ZNF594: variants seen among roughly 807,000 people sequenced by gnomAD.
The protein encoded by ZNF594 is zinc finger protein 594.
For missense variants in ZNF594, 1,037 were observed against 964.6 expected (o/e 1.08, Z -0.99); for synonymous variants, 336 against 309.4 (o/e 1.09, Z -0.90).
chr17:5,186,627 T>A (rs531122374), intron 1 of ZNF594, among the ~76,000 whole-genome samples: 237 of 152,326 alleles, frequency 1.6e-3, no homozygotes, highest in African/African-American at 5.3e-3. Flanking sequence ...TTCTATCACA[T>A]TCTCAGGCTG....
In ZNF594 at chr17:5,184,166, C is replaced by G. The variant is rs777947733; in HGVS notation, c.91G>C (p.Glu31Gln). The change falls in exon 2 of 2, where the codon GAA becomes CAA. Residue 31 changes from glutamate (E) to glutamine (Q), a missense_variant. By Grantham distance (29) the Glu-to-Gln change is conservative (BLOSUM62 2). Coordinates refer to ENST00000575779, the MANE Select transcript of ZNF594 (RefSeq NM_032530.2). ...SEKLQRQITQ[E>Q]CELVETSNSE... Reference sequence around the variant, plus strand: ...TTACTGGTTTCAACTAACTCACATTCCTGGGTGATTTGTCTTTGGAGTTTT... The same window carrying G: ...TTACTGGTTTCAACTAACTCACATTGCTGGGTGATTTGTCTTTGGAGTTTT... 3.7e-5 allele frequency: 60 copies of G among 1,614,178 alleles called. No homozygotes were observed. The highest frequency in any genetic ancestry group is 5.0e-5 in the Non-Finnish European group (59 of 1,180,038).
In ZNF594 at chr17:5,182,426, G is replaced by A; in HGVS notation, c.1831C>T (p.Leu611Phe). ...CGKTFNQSSDLLRHHRIHSGE... is the reference protein window; with the variant it reads ...CGKTFNQSSDFLRHHRIHSGE... Reference sequence around the variant, plus strand: ...CTGTGAATTCTATGATGTCTCAGAAGGTCTGAGCTCTGATTGAAAGTTTTC... The same window carrying A: ...CTGTGAATTCTATGATGTCTCAGAAAGTCTGAGCTCTGATTGAAAGTTTTC... The change falls in exon 2 of 2, where the codon CTT becomes TTT. Residue 611 changes from leucine to phenylalanine, a missense_variant. Physicochemically the swap from Leu to Phe is conservative, Grantham distance 22. Transcript: ENST00000575779. 6.2e-7 allele frequency: 1 copy of A among 1,613,608 alleles called. No homozygotes were observed. Among genetic ancestry groups the A allele is most frequent in the South Asian group, 1.1e-5 (1 of 91,064 alleles).
chr17:5,183,834 G>A lies in ZNF594; in HGVS notation c.423C>T (p.Asn141=), dbSNP rs972611445. The A allele has an allele frequency of 6.2e-7, 1 of 1,613,972 alleles. No individual in the cohort carries two copies. The highest frequency in any genetic ancestry group is 8.5e-7 in the Non-Finnish European group (1 of 1,179,976). ...TATGAATTCTCTGATGTATGATCAG[G>A]TTTGAACTCCTGTTGAAGGTTTTTT... ...ECEKTFNRSS[N]LIIHQRIHTG... The change falls in exon 2 of 2, where the codon AAC becomes AAT. Residue 141 remains asparagine (N), a synonymous_variant. Coordinates refer to ENST00000575779, the MANE Select transcript of ZNF594 (RefSeq NM_032530.2).
At chr17:5,189,123 A>G (rs1010754841) in intron 1 of ZNF594, among the ~76,000 whole-genome samples, 3 of 151,510 alleles carry the variant, frequency 2.0e-5, no homozygotes, top group Non-Finnish European at 4.4e-5. Context: ...GAAAGGAAAA[A>G]ATAATAGCAA....
intron 1 of ZNF594, among the ~76,000 whole-genome samples, chr17:5,187,125 G>C (rs554877509): frequency 6.6e-6 from 1 of 152,300 alleles, no homozygotes; most frequent in South Asian, 2.1e-4. Context: ...TGCTGATGAA[G>C]ACATACCCGA....
rs756925145 is a variant in ZNF594, at chr17:5,182,208, A to C, written c.2049T>G (p.Ser683Arg). The C allele has an allele frequency of 6.2e-7, 1 of 1,613,260 alleles. No individual in the cohort carries two copies. The highest frequency in any genetic ancestry group is 8.5e-7 in the Non-Finnish European group (1 of 1,179,932). The change falls in exon 2 of 2, where the codon AGT (serine) becomes AGG (arginine). Residue 683 changes from serine to arginine, a missense_variant. Physicochemically the swap from Ser to Arg is moderately radical, Grantham distance 110. Coordinates refer to ENST00000575779, the MANE Select transcript of ZNF594 (RefSeq NM_032530.2). ...IHTGEKPYQCSECGNAFRRRS... is the reference protein window; with the variant it reads ...IHTGEKPYQCRECGNAFRRRS... ...GCCGCCTGAAGGCATTCCCACATTC[A>C]CTGCACTGATAGGGTTTCTCTCCAG...
Position 5,182,540 on chromosome 17 carries a change from A to C in ZNF594, c.1717T>G (p.Cys573Gly), listed in dbSNP as rs1406062851. 1 of 1,613,886 alleles carries C rather than the reference A, an allele frequency of 6.2e-7. No homozygotes were observed. The highest frequency in any genetic ancestry group is 8.5e-7 in the Non-Finnish European group (1 of 1,179,990). The change falls in exon 2 of 2, where the codon TGT (cysteine) becomes GGT (glycine). Residue 573 changes from cysteine (C) to glycine (G), a missense_variant. Physicochemically the swap from Cys to Gly is radical, Grantham distance 159. Transcript: ENST00000575779. Reference sequence around the variant, plus strand: ...GAGCTGCCCTGGAAAGCCCTACCACACTGATTACACCAATAAGCTTTCGCT... The same window carrying C: ...GAGCTGCCCTGGAAAGCCCTACCACCCTGATTACACCAATAAGCTTTCGCT... ...QEAKAYWCNQ[C>G]GRAFQGSSDL...
rs1181579284 is a variant in ZNF594 at position 5,181,741 on chromosome 17, T to C, written c.*92A>G. The stretch of plus-strand genomic sequence containing the variant: ...CTACATTCATGAGGTTTCTCTCCAG[T>C]ATGAACACGATGGTGTTTAATAAGA... On this transcript the variant is annotated 3_prime_UTR_variant, in exon 2 of 2. Coordinates refer to ENST00000575779, the MANE Select transcript of ZNF594 (RefSeq NM_032530.2). 6 of 1,594,788 alleles carry C rather than the reference T, an allele frequency of 3.8e-6. No individual in the cohort carries two copies. Among genetic ancestry groups the C allele is most frequent in the South Asian group, 1.1e-5 (1 of 90,646 alleles).
At position 5,183,092 on chromosome 17, in the gene ZNF594, A is replaced by G. The variant is rs2074358445; in HGVS notation, c.1165T>C (p.Ser389Pro). The G allele has an allele frequency of 6.2e-7, 1 of 1,613,966 alleles. No homozygotes were observed. Among genetic ancestry groups the G allele is most frequent in the Admixed American group, 1.7e-5 (1 of 59,992 alleles). The change falls in exon 2 of 2, where the codon TCA becomes CCA. Residue 389 changes from serine to proline, a missense_variant. Transcript: ENST00000575779. ...NQCGRNFQGTSDLIRHQVTHT... is the reference protein window; with the variant it reads ...NQCGRNFQGTPDLIRHQVTHT... ...GTTACCTGATGTCTGATGAGGTCTG[A>G]GGTGCCCTGGAAATTCCTACCACAC...
chr17:5,183,827 T>A lies in ZNF594; in HGVS notation c.430A>T (p.Ile144Leu). The A allele has an allele frequency of 6.2e-7, 1 of 1,614,178 alleles. No individual in the cohort carries two copies. The highest frequency in any genetic ancestry group is 8.5e-7 in the Non-Finnish European group (1 of 1,180,032). The change falls in exon 2 of 2, where the codon ATA becomes TTA. Residue 144 changes from isoleucine (I) to leucine (L), a missense_variant. Coordinates refer to ENST00000575779, the MANE Select transcript of ZNF594 (RefSeq NM_032530.2). Reference sequence around the variant, plus strand: ...TTTCCTGTATGAATTCTCTGATGTATGATCAGGTTTGAACTCCTGTTGAAG... The same window carrying A: ...TTTCCTGTATGAATTCTCTGATGTAAGATCAGGTTTGAACTCCTGTTGAAG... ...KTFNRSSNLI[I>L]HQRIHTGNKP...
Position 5,181,493 on chromosome 17 carries a change from C to T in ZNF594, c.*340G>A. 1.2e-6 allele frequency: 2 copies of T among 1,613,882 alleles called. No homozygotes were observed. The highest frequency in any genetic ancestry group is 1.3e-5 in the African/African-American group (1 of 75,012). On this transcript the variant is annotated 3_prime_UTR_variant, in exon 2 of 2. Coordinates refer to ENST00000575779, the MANE Select transcript of ZNF594 (RefSeq NM_032530.2). ...GTTCTTCAAGTTTCTCTCCAGCATG[C>T]AGTCTCTGATGTTTGAGGAAAGCTG... is the stretch of plus-strand genomic sequence containing the variant.
In ZNF594 at chr17:5,181,731, T is replaced by C. The variant is rs757624394; in HGVS notation, c.*102A>G. ...CCCACATTCACTACATTCATGAGGTTTCTCTCCAGTATGAACACGATGGTG... is the reference window on the plus strand; with the variant it reads ...CCCACATTCACTACATTCATGAGGTCTCTCTCCAGTATGAACACGATGGTG... On this transcript the variant is annotated 3_prime_UTR_variant, in exon 2 of 2. Coordinates refer to ENST00000575779, the MANE Select transcript of ZNF594 (RefSeq NM_032530.2). 4 of 1,590,484 alleles carry C rather than the reference T, an allele frequency of 2.5e-6. No individual in the cohort carries two copies. Among genetic ancestry groups the C allele is most frequent in the Non-Finnish European group, 3.5e-6 (4 of 1,158,682 alleles).
chr17:5,183,014 G>C lies in ZNF594; in HGVS notation c.1243C>G (p.Gln415Glu). 2 of 1,614,010 alleles carry C rather than the reference G, an allele frequency of 1.2e-6. No individual in the cohort carries two copies. The highest frequency in any genetic ancestry group is 1.7e-6 in the Non-Finnish European group (2 of 1,179,974). ...ECKECGKTFN[Q>E]SSDLLRHHRI... ...TGATGTCTCAGAAGGTCTGAGCTCT[G>C]ATTGAAAGTTTTCCCACATTCTTTA... The change falls in exon 2 of 2, where the codon CAG becomes GAG. Residue 415 changes from glutamine to glutamate, a missense_variant. Gln to Glu is a conservative substitution (Grantham distance 29). Coordinates refer to ENST00000575779, the MANE Select transcript of ZNF594 (RefSeq NM_032530.2).
At chr17:5,189,331 TTGACCTCCCAGGC>T (rs2074407277) in intron 1 of ZNF594, among the ~76,000 whole-genome samples, 1 of 151,074 alleles carries the variant, frequency 6.6e-6, no homozygotes, top group African/African-American at 2.4e-5. Context: ...CACTGCAGCC[TTGACCTCCCAGGC>T]TGAGATGATT....
rs2074337922 is a variant in ZNF594, at chr17:5,181,287, A to G, written c.*546T>C. On this transcript the variant is annotated 3_prime_UTR_variant, in exon 2 of 2. Coordinates refer to ENST00000575779, the MANE Select transcript of ZNF594 (RefSeq NM_032530.2). Reference sequence around the variant, plus strand: ...TCTCAGAAGGTCTGAGCTCTGATTGAAAGTTTTCCCACATTCTTTACATTC... The same window carrying G: ...TCTCAGAAGGTCTGAGCTCTGATTGGAAGTTTTCCCACATTCTTTACATTC... The G allele has an allele frequency of 6.2e-7, 1 of 1,611,896 alleles. No individual in the cohort carries two copies. The highest frequency in any genetic ancestry group is 2.2e-5 in the East Asian group (1 of 44,804).
chr17:5,175,956 A>C (rs1411921906), downstream of ZNF594, among the ~76,000 whole-genome samples: 2 of 152,224 alleles, frequency 1.3e-5, no homozygotes, highest in Admixed American at 1.3e-4. Context: ...GTAAGTGCTC[A>C]ATCCAACGAT....
At chr17:5,177,768 G>A (rs563682263), downstream of ZNF594, among the ~76,000 whole-genome samples, 3 of 152,116 alleles carry the variant, frequency 2.0e-5, no homozygotes, top group African/African-American at 7.2e-5. Context: ...TCCAGGAGGC[G>A]GAAGTTGCAG....
At chr17:5,174,660 T>G (rs1158353117), downstream of ZNF594, 1 of 198,686 alleles carries the variant, frequency 5.0e-6, no homozygotes, top group Non-Finnish European at 1.0e-5. Flanking sequence ...AATAATTTCT[T>G]TACAGATGTT....
chr17:5,181,138 G>A lies in ZNF594; in HGVS notation c.*695C>T. Reference sequence around the variant, plus strand: ...TGACTGAAGGCCTTCCAACATTCAGGGCATTCATAGGGTTTCTCTCCAGTA... The same window carrying A: ...TGACTGAAGGCCTTCCAACATTCAGAGCATTCATAGGGTTTCTCTCCAGTA... On this transcript the variant is annotated 3_prime_UTR_variant, in exon 2 of 2. Transcript: ENST00000575779. 6.3e-7 allele frequency: 1 copy of A among 1,598,160 alleles called. No individual in the cohort carries two copies. The highest frequency in any genetic ancestry group is 8.6e-7 in the Non-Finnish European group (1 of 1,168,600).
Sources: gnomAD v4.1 joint callset for allele counts (sites outside exome capture counted in the v4.1 genomes callset) on GRCh38, gnomAD v4.1.1 for gene constraint, MANE v1.5 for transcripts, NCBI Gene and HGNC (gene_info 2026-07-23, HGNC 2026-07-21) for gene names.